The following ITGA2 variants were observed in gnomAD, a reference collection of about 807,000 sequenced individuals.
The protein encoded by ITGA2 is integrin subunit alpha 2.
Under a neutral mutation model 146.3 loss-of-function variants are expected in ITGA2, and 101 were observed. That is an observed-to-expected ratio of 0.69 (90% CI 0.59 to 0.81). The LOEUF (loss-of-function observed/expected upper bound fraction) is 0.81. ITGA2 is among the 40% of genes least tolerant of loss of function. ITGA2 has a pLI of 0.00. For synonymous variants in ITGA2, 477 were observed against 487.1 expected, an observed-to-expected ratio of 0.98 and a Z score of 0.27; for missense variants, 1,281 against 1,402.7, an observed-to-expected ratio of 0.91 and a Z score of 1.39.
chr5:53,005,271 T>G (rs1348625744), intron 1 of ITGA2, among the ~76,000 whole-genome samples: 3 of 152,002 alleles, frequency 2.0e-5, no homozygotes, highest in Non-Finnish European at 4.4e-5. Flanking sequence ...CTCCTAACCA[T>G]TAGACAGCAA....
At chr5:53,088,305 C>G (rs1458937145) in intron 28 of ITGA2, among the ~76,000 whole-genome samples, 1 of 152,086 alleles carries the variant, frequency 6.6e-6, no homozygotes, top group Non-Finnish European at 1.5e-5. Flanking sequence ...CCATTAGATT[C>G]CTCTTTTATT....
At chr5:53,048,537 G>A (rs140105624) in intron 5 of ITGA2, 60 bp downstream of exon 5, 2 of 1,606,690 alleles carry the variant, frequency 1.2e-6, no homozygotes, top group Non-Finnish European at 1.7e-6. Flanking sequence ...AGGGGGAAAA[G>A]GTTATCAACT....
chr5:53,072,551 C>A (rs1745447777), intron 18 of ITGA2, 62 bp from the exon 19 acceptor site: 14 of 1,026,578 alleles, frequency 1.4e-5, no homozygotes, highest in Non-Finnish European at 1.5e-6. Context: ...TCTATGTATT[C>A]TTCTGTAATT....
chr5:53,048,637 G>T lies in ITGA2; in HGVS notation c.503-6G>T, dbSNP rs1744207328. 1 of 1,614,022 alleles carries T rather than the reference G, an allele frequency of 6.2e-7. No homozygotes were observed. Among genetic ancestry groups the T allele is most frequent in the East Asian group, 2.2e-5 (1 of 44,866 alleles). The stretch of plus-strand genomic sequence containing the variant: ...AAATCTGCTTCTTTCCTCTTTTCCT[G>T]TGTAGCCTGCCCTTCCCTCATAGAT... On this transcript the variant is annotated splice_polypyrimidine_tract_variant and splice_region_variant and intron_variant, in intron 5 of 29. Transcript: ENST00000296585.
rs1178273826 is a variant in ITGA2 at position 53,094,628 on chromosome 5, ATTG to A, written c.*4031_*4033del. On this transcript the variant is annotated 3_prime_UTR_variant, in exon 30 of 30. Coordinates refer to ENST00000296585, the MANE Select transcript of ITGA2 (RefSeq NM_002203.4). Reference sequence around the variant, plus strand: ...TTGATTTATGAGAAACAAAAATTAAATTGTAGTCAACAGTTAGTAGTTTTTCTC... The same window carrying A: ...TTGATTTATGAGAAACAAAAATTAAATAGTCAACAGTTAGTAGTTTTTCTC... The A allele has an allele frequency of 1.3e-5, 2 of 150,302 alleles. No individual in the cohort carries two copies. Among genetic ancestry groups the A allele is most frequent in the African/African-American group, 5.0e-5 (2 of 40,258 alleles). The allele number at this position is 150,302 out of a possible 1,614,324, so 9.3% of individuals were successfully genotyped here.
intron 7 of ITGA2, among the ~76,000 whole-genome samples, chr5:53,053,802 T>C (rs942051265): frequency 6.6e-6 from 1 of 152,170 alleles, no homozygotes; most frequent in Admixed American, 6.6e-5. Flanking sequence ...CTTTAAAACA[T>C]TGAAGATAAT....
chr5:53,021,504 G>C (rs532588613), intron 1 of ITGA2, among the ~76,000 whole-genome samples: 3 of 152,116 alleles, frequency 2.0e-5, no homozygotes, highest in Non-Finnish European at 4.4e-5. Flanking sequence ...CTAGAGCATG[G>C]TTCTCCTGGA....
In ITGA2 at chr5:53,045,003, T is replaced by C. The variant is rs748013610; in HGVS notation, c.298T>C (p.Ser100Pro). 1 of 1,612,358 alleles carries C rather than the reference T, an allele frequency of 6.2e-7. No homozygotes were observed. Among genetic ancestry groups the C allele is most frequent in the Admixed American group, 1.7e-5 (1 of 60,012 alleles). ...ATCEKLNLQTSTSIPNVTEMK... is the reference protein window; with the variant it reads ...ATCEKLNLQTPTSIPNVTEMK... ...AAAAATTGTTTTCCCTTTGAAAGCT[T>C]CAACAAGCATTCCAAATGTTACTGA... The change falls in exon 4 of 30, where the codon TCA becomes CCA. Residue 100 changes from serine (S) to proline (P), a missense_variant and splice_region_variant. Ser to Pro is a moderately conservative substitution (Grantham distance 74). This residue lies in a region of ITGA2 where 795 missense variants were observed against 841.7 expected (regional missense o/e 0.94). Transcript: ENST00000296585.
chr5:53,006,060 C>T (rs187749549), intron 1 of ITGA2, among the ~76,000 whole-genome samples: 17 of 152,104 alleles, frequency 1.1e-4, no homozygotes, highest in African/African-American at 3.1e-4. Context: ...TGGGGCCTGT[C>T]GGTGGGGGCG....
At chr5:53,009,889 A>G (rs1300036613) in intron 1 of ITGA2, among the ~76,000 whole-genome samples, 1 of 152,182 alleles carries the variant, frequency 6.6e-6, no homozygotes, top group Non-Finnish European at 1.5e-5. Context: ...ATGCTGCACA[A>G]TGATTTTAGA....
Position 53,067,268 on chromosome 5 carries a change from C to A in ITGA2, c.2083+11C>A. On this transcript the variant is annotated intron_variant, in intron 16 of 29. Coordinates refer to ENST00000296585, the MANE Select transcript of ITGA2 (RefSeq NM_002203.4). ...AAAACAATCAAGTGGGTGCGTAGAT[C>A]TGAAATAATCTGTATAGAAATTGGT... The A allele has an allele frequency of 6.2e-7, 1 of 1,610,966 alleles. No homozygotes were observed. Among genetic ancestry groups the A allele is most frequent in the Non-Finnish European group, 8.5e-7 (1 of 1,178,290 alleles).
chr5:52,992,918 G>T (rs1196523859), intron 1 of ITGA2, among the ~76,000 whole-genome samples: 1 of 151,658 alleles, frequency 6.6e-6, no homozygotes, highest in Non-Finnish European at 1.5e-5. Context: ...CCACACACAT[G>T]CCCACACATG....
At chr5:53,024,461 C>T (rs1473637503) in intron 1 of ITGA2, among the ~76,000 whole-genome samples, 1 of 151,836 alleles carries the variant, frequency 6.6e-6, no homozygotes, top group Non-Finnish European at 1.5e-5. Context: ...AAAAAAAATC[C>T]TAGGTGCTGA....
At chr5:53,058,220 G>C in intron 10 of ITGA2, 119 bp downstream of exon 10, 1 of 775,444 alleles carries the variant, frequency 1.3e-6, no homozygotes, top group Non-Finnish European at 2.3e-6. Flanking sequence ...CTGATTCCTA[G>C]TCACGGTCAT....
Position 53,026,760 on chromosome 5 carries a change from G to A in ITGA2, c.77G>A (p.Cys26Tyr). ...TTTTTCTTAATAGGCATTTTAAATT[G>A]TTGTTTGGCCTACAATGTTGGTCTC... Reference protein sequence around the residue: ...VLALSQGILNCCLAYNVGLPE... With the variant: ...VLALSQGILNYCLAYNVGLPE... The change falls in exon 2 of 30, where the codon TGT becomes TAT. Residue 26 changes from cysteine (C) to tyrosine (Y), a missense_variant. By Grantham distance (194) the Cys-to-Tyr change is radical. Around this residue, in one of 3 missense-constraint regions of ITGA2, gnomAD observed 795 missense variants for 841.7 expected, o/e 0.94. Coordinates refer to ENST00000296585, the MANE Select transcript of ITGA2 (RefSeq NM_002203.4). 1.9e-6 allele frequency: 3 copies of A among 1,609,778 alleles called. No individual in the cohort carries two copies. Among genetic ancestry groups the A allele is most frequent in the Non-Finnish European group, 2.6e-6 (3 of 1,176,282 alleles).
At chr5:52,998,017 A>G (rs1216927425) in intron 1 of ITGA2, among the ~76,000 whole-genome samples, 4 of 152,362 alleles carry the variant, frequency 2.6e-5, no homozygotes, top group African/African-American at 9.6e-5. Flanking sequence ...AAAAATGATT[A>G]AAAATTTATG....
At chr5:53,065,668 A>G in intron 14 of ITGA2, 173 bp from the exon 15 acceptor site, 1 of 770,814 alleles carries the variant, frequency 1.3e-6, no homozygotes, top group Non-Finnish European at 2.1e-6. Flanking sequence ...TGTAAGAGTG[A>G]TGCAGAGATC....
chr5:53,051,625 T>C (rs1744370909), intron 7 of ITGA2, 66 bp downstream of exon 7: 1 of 1,496,830 alleles, frequency 6.7e-7, no homozygotes, highest in Non-Finnish European at 9.2e-7. Context: ...GTAATAAATA[T>C]GAAAAAGTAA....
rs541439656 is a variant in ITGA2, at chr5:53,022,165, G to A, written c.65-4583G>A. Reference sequence around the variant, plus strand: ...ATGTTTTGTTTTATACATTATTTACGCTCTTGTTGTTAAAAGACTTTTTCC... The same window carrying A: ...ATGTTTTGTTTTATACATTATTTACACTCTTGTTGTTAAAAGACTTTTTCC... On this transcript the variant is annotated intron_variant, in intron 1 of 29. Coordinates refer to ENST00000296585, the MANE Select transcript of ITGA2 (RefSeq NM_002203.4). Among the ~76,000 whole-genome samples the A allele has an allele frequency of 3.3e-5, 5 of 151,788 alleles. No homozygotes were observed. In the East Asian group the frequency reaches 7.8e-4, roughly 24 times the overall value.
Sources: allele counts gnomAD v4.1 joint callset (sites outside exome capture counted in the v4.1 genomes callset), GRCh38; gene constraint gnomAD v4.1.1; regional missense constraint gnomAD v4.1.1; transcripts MANE v1.5; gene names NCBI Gene and HGNC (gene_info 2026-07-23, HGNC 2026-07-21).